Variants in EFHC1 observed in about 807,000 individuals in gnomAD.
EFHC1 encodes the protein EF-hand domain containing 1, also known as EF-hand domain-containing protein 1.
Under a neutral mutation model 69.9 loss-of-function variants are expected in EFHC1, and 53 were observed. The observed-to-expected ratio is 0.76, with a 90% CI of 0.61 to 0.95. The LOEUF (loss-of-function observed/expected upper bound fraction) is 0.95. Among genes scored for constraint, EFHC1 ranks in the 40% least tolerant of loss-of-function variants. The pLI is 0.00. For synonymous variants in EFHC1, 256 were observed against 278.4 expected, an observed-to-expected ratio of 0.92 and a Z score of 0.80; for missense variants, 739 against 798.7, an observed-to-expected ratio of 0.93 and a Z score of 0.90.
In EFHC1 at chr6:52,493,925, G is replaced by C. The variant is rs1478713839; in HGVS notation, c.*1584G>C. On this transcript the variant is annotated 3_prime_UTR_variant, in exon 11 of 11. Transcript: ENST00000371068. ...TCAGAACTTCTAGGGAACTTCCCTT[G>C]GTGTTTCCTTCCCTAACGAGCTCAG... 1 of 453,928 alleles carries C rather than the reference G, an allele frequency of 2.2e-6. No homozygotes were observed. Among genetic ancestry groups the C allele is most frequent in the Non-Finnish European group, 4.4e-6 (1 of 226,806 alleles). 28.1% of individuals were successfully genotyped at this position (453,928 alleles called of 1,614,324 possible).
At chr6:52,467,758 G>A (rs772825929) in intron 6 of EFHC1, among the ~76,000 whole-genome samples, 4 of 152,048 alleles carry the variant, frequency 2.6e-5, no homozygotes, top group South Asian at 4.2e-4. Context: ...TTTCTTTCCC[G>A]TACTTTCTCT....
At chr6:52,490,961 G>A (rs529917324) in intron 10 of EFHC1, 1 of 153,832 alleles carries the variant, frequency 6.5e-6, no homozygotes, top group East Asian at 1.9e-4. Flanking sequence ...AAATGCCAAG[G>A]ACTGTGGCTT....
chr6:52,432,231 C>T (rs763139028), intron 2 of EFHC1, among the ~76,000 whole-genome samples: 91 of 152,076 alleles, frequency 6.0e-4, no homozygotes, highest in Non-Finnish European at 1.1e-3. Flanking sequence ...TTCTGTTCAT[C>T]GTGGTATTTG....
chr6:52,464,856 A>G (rs1471720422), intron 5 of EFHC1, 39 bp from the exon 6 acceptor site: 4 of 1,569,036 alleles, frequency 2.5e-6, no homozygotes, highest in African/African-American at 2.7e-5. Flanking sequence ...TGACACACTC[A>G]TTCCTTCTTT....
intron 9 of EFHC1, chr6:52,487,852 C>T (rs1292822441): frequency 6.6e-6 from 1 of 152,240 alleles, no homozygotes; most frequent in Non-Finnish European, 1.5e-5. Context: ...ACCAGCTGGC[C>T]CCTCTGTTTT....
At chr6:52,464,398 A>T (rs903101945) in intron 5 of EFHC1, among the ~76,000 whole-genome samples, 1 of 152,208 alleles carries the variant, frequency 6.6e-6, no homozygotes, top group Admixed American at 6.5e-5. Flanking sequence ...CCCAAAGAGA[A>T]TATTTTCTCC....
chr6:52,431,622 A>G (rs1025069397), intron 2 of EFHC1, among the ~76,000 whole-genome samples: 6 of 152,166 alleles, frequency 3.9e-5, no homozygotes, highest in Non-Finnish European at 5.9e-5. Flanking sequence ...GTGGCCTATC[A>G]TATGGTCTGT....
intron 5 of EFHC1, among the ~76,000 whole-genome samples, chr6:52,454,599 C>G (rs1327888822): frequency 6.6e-6 from 1 of 152,190 alleles, no homozygotes; most frequent in Non-Finnish European, 1.5e-5. Flanking sequence ...ATTTTTCAAA[C>G]AGGCTTGTTT....
chr6:52,454,037 G>A, intron 4 of EFHC1, 58 bp from the exon 5 acceptor site: 1 of 1,610,088 alleles, frequency 6.2e-7, no homozygotes, highest in Middle Eastern at 2.2e-4. Context: ...TGCCAAAGTA[G>A]CCAAGTTGAA....
intron 2 of EFHC1, among the ~76,000 whole-genome samples, chr6:52,424,891 T>C (rs1764271190): frequency 1.3e-5 from 2 of 152,258 alleles, no homozygotes; most frequent in African/African-American, 2.4e-5. Context: ...ATGAGCTTTA[T>C]GTGTAACTGG....
chr6:52,492,574 T>A lies in EFHC1; in HGVS notation c.*233T>A, dbSNP rs538486876. 2.2e-3 allele frequency: 1,459 copies of A among 658,966 alleles called. 7 individuals are homozygous for A. The highest frequency in any genetic ancestry group is 3.6e-3 in the Non-Finnish European group (1,308 of 359,496). The allele number at this position is 658,966 out of a possible 1,614,324, so 40.8% of individuals were successfully genotyped here. On this transcript the variant is annotated 3_prime_UTR_variant, in exon 11 of 11. Transcript: ENST00000371068. ...GTCTAATTTTGTGTGTCAAATTGACTTGGCCACAGGGGGCCCAAATATTTC... is the reference window on the plus strand; with the variant it reads ...GTCTAATTTTGTGTGTCAAATTGACATGGCCACAGGGGGCCCAAATATTTC...
intron 5 of EFHC1, among the ~76,000 whole-genome samples, chr6:52,458,277 A>G (rs2114000743): frequency 6.6e-6 from 1 of 151,808 alleles, no homozygotes; most frequent in East Asian, 1.9e-4. Context: ...GGAAAAAAAA[A>G]GCAAATGTAA....
At chr6:52,475,655 C>T (rs932470255) in intron 7 of EFHC1, among the ~76,000 whole-genome samples, 4 of 152,120 alleles carry the variant, frequency 2.6e-5, no homozygotes, top group African/African-American at 9.7e-5. Flanking sequence ...ATTTTATAGC[C>T]TCTGATATTT....
At chr6:52,421,317 CGTTTTTGTAAAAAGATTCCTG>C (rs1764186765) in intron 1 of EFHC1, among the ~76,000 whole-genome samples, 1 of 152,110 alleles carries the variant, frequency 6.6e-6, no homozygotes, top group Non-Finnish European at 1.5e-5. Context: ...TTTATTCTAA[CGTTTTTGTAAAAAGATTCCTG>C]TTTAGATTTT....
At chr6:52,479,015 C>T (rs764952773) in intron 7 of EFHC1, 22 bp from the exon 8 acceptor site, 6 of 1,609,078 alleles carry the variant, frequency 3.7e-6, no homozygotes, top group Non-Finnish European at 5.1e-6. Flanking sequence ...TTCATAATAT[C>T]CTCTTTTCTT....
chr6:52,432,627 C>G (rs997837276), intron 2 of EFHC1, among the ~76,000 whole-genome samples: 1 of 152,154 alleles, frequency 6.6e-6, no homozygotes, highest in African/African-American at 2.4e-5. Flanking sequence ...TGCCTCACAG[C>G]TCTTAAGATT....
chr6:52,467,370 G>T (rs1035966248), intron 6 of EFHC1, among the ~76,000 whole-genome samples: 2 of 125,252 alleles, frequency 1.6e-5, no homozygotes, highest in African/African-American at 5.8e-5. Flanking sequence ...TAGTACAGAC[G>T]GGGTTTCACC....
At chr6:52,462,359 G>A (rs1765187939) in intron 5 of EFHC1, among the ~76,000 whole-genome samples, 1 of 151,662 alleles carries the variant, frequency 6.6e-6, no homozygotes, top group Admixed American at 6.6e-5. Flanking sequence ...AATAAGTTAG[G>A]CATATTTCTT....
chr6:52,445,429 C>T (rs1764760929), intron 3 of EFHC1, among the ~76,000 whole-genome samples: 1 of 151,806 alleles, frequency 6.6e-6, no homozygotes, highest in South Asian at 2.1e-4. Context: ...AGGTATATCT[C>T]CCAATGCTGT....
Sources: gnomAD v4.1 joint callset for allele counts (sites outside exome capture counted in the v4.1 genomes callset) on GRCh38, gnomAD v4.1.1 for gene constraint, MANE v1.5 for transcripts, NCBI Gene and HGNC (gene_info 2026-07-23, HGNC 2026-07-21) for gene names.